Variants in CAMK2D observed in about 807,000 individuals in gnomAD.
CAMK2D encodes calcium/calmodulin-dependent protein kinase type II subunit delta.
Under a neutral mutation model 84.0 loss-of-function variants are expected in CAMK2D, and 37 were observed. The ratio of observed to expected loss-of-function variants is 0.44; its 90% confidence interval spans 0.34 to 0.58. The LOEUF is 0.58. Ranked by LOEUF, CAMK2D falls within the 20% of genes least tolerant of loss-of-function variation. The probability of loss-of-function intolerance (pLI) is 0.02; values close to 1 mark genes in which losing one functional copy is unlikely to be tolerated. For synonymous variants in CAMK2D, 202 were observed against 212.5 expected (o/e 0.95, Z 0.43); for missense variants, 448 against 652.5 (o/e 0.69, Z 3.41).
intron 2 of CAMK2D, among the ~76,000 whole-genome samples, chr4:113,733,378 C>CA (rs1351337572): frequency 2.6e-5 from 4 of 151,862 alleles, no homozygotes; most frequent in African/African-American, 9.7e-5. Flanking sequence ...GCATGAACAC[C>CA]ACAAATGAAA....
At chr4:113,661,467 T>A (rs1399901396) in intron 3 of CAMK2D, among the ~76,000 whole-genome samples, 1 of 152,162 alleles carries the variant, frequency 6.6e-6, no homozygotes, top group Non-Finnish European at 1.5e-5. Flanking sequence ...CATACACTAT[T>A]AATTAATTTA....
chr4:113,628,650 T>C (rs550952933), intron 3 of CAMK2D, among the ~76,000 whole-genome samples: 5 of 152,186 alleles, frequency 3.3e-5, no homozygotes, highest in African/African-American at 1.2e-4. Context: ...TCTCTGAAGA[T>C]GATGCACGTA....
chr4:113,462,608 G>T (rs1455918053), intron 17 of CAMK2D, among the ~76,000 whole-genome samples: 1 of 152,004 alleles, frequency 6.6e-6, no homozygotes, highest in Non-Finnish European at 1.5e-5. Flanking sequence ...TTAGTGAACT[G>T]GTATGATCCC....
Position 113,466,288 on chromosome 4 carries a change from A to AAATT in CAMK2D, c.1136-685_1136-684insAATT, listed in dbSNP as rs397837662. On this transcript the variant is annotated intron_variant, in intron 16 of 20. Coordinates refer to ENST00000511664, the MANE Select transcript of CAMK2D (RefSeq NM_001321571.2). ...TAAATAAATAAATAAATAAATAAATATAAAATAAAATAAAATAAAATTAGT... is the reference window on the plus strand; with the variant it reads ...TAAATAAATAAATAAATAAATAAATAAATTTAAAATAAAATAAAATAAAATTAGT... Among the ~76,000 whole-genome samples the AAATT allele has an allele frequency of 2.0e-4, 23 of 115,006 alleles. 1 individual carries two copies. The highest frequency in any genetic ancestry group is 1.8e-3 in the Admixed American group (22 of 12,040). The allele number at this position is 115,006 out of a possible 152,430, so 75.4% of individuals were successfully genotyped here. A position where few individuals can be genotyped will look rare whatever the true frequency, so the allele number is the denominator to read the frequency against.
intron 2 of CAMK2D, among the ~76,000 whole-genome samples, chr4:113,664,318 AT>A (rs2099249092): frequency 1.3e-5 from 2 of 152,190 alleles, no homozygotes; most frequent in African/African-American, 4.8e-5. Context: ...AACAATGCAT[AT>A]GTATAATCTC....
At chr4:113,641,475 T>C (rs951302679) in intron 3 of CAMK2D, among the ~76,000 whole-genome samples, 4 of 152,170 alleles carry the variant, frequency 2.6e-5, no homozygotes, top group Admixed American at 2.6e-4. Context: ...TTAGATACAA[T>C]ATGTTTCAGA....
intron 4 of CAMK2D, among the ~76,000 whole-genome samples, chr4:113,582,843 C>T (rs571033309): frequency 3.9e-5 from 6 of 152,298 alleles, no homozygotes; most frequent in South Asian, 2.1e-4. Flanking sequence ...CACAGCTTGC[C>T]GATAAATGGA....
At chr4:113,739,189 G>A (rs1197705033) in intron 2 of CAMK2D, among the ~76,000 whole-genome samples, 1 of 152,116 alleles carries the variant, frequency 6.6e-6, no homozygotes, top group Non-Finnish European at 1.5e-5. Flanking sequence ...TGCATTATTA[G>A]GCTTTCAATG....
intron 2 of CAMK2D, among the ~76,000 whole-genome samples, chr4:113,714,037 T>C (rs1432023616): frequency 6.6e-6 from 1 of 152,082 alleles, no homozygotes; most frequent in Non-Finnish European, 1.5e-5. Flanking sequence ...TATAACTTGT[T>C]GTAACTTGTT....
intron 2 of CAMK2D, among the ~76,000 whole-genome samples, chr4:113,741,601 T>C (rs1259746473): frequency 2.6e-5 from 4 of 152,186 alleles, no homozygotes; most frequent in Non-Finnish European, 5.9e-5. Flanking sequence ...AGTCTTGCTT[T>C]CACTCACACT....
In CAMK2D at chr4:113,651,407, A is replaced by C. The variant is rs566870490; in HGVS notation, c.220+10306T>G. 3.9e-4 allele frequency among the ~76,000 whole-genome samples: 59 copies of C among 152,318 alleles called. 1 individual carries two copies. Among genetic ancestry groups the C allele is most frequent in the Non-Finnish European group, 5.4e-4 (37 of 67,992 alleles). The stretch of plus-strand genomic sequence containing the variant: ...AAATGTGTAAATAATAAGAATATGA[A>C]GCTACCTTTTCTACTGTGGCAAATT... On this transcript the variant is annotated intron_variant, in intron 3 of 20. Coordinates refer to ENST00000511664, the MANE Select transcript of CAMK2D (RefSeq NM_001321571.2).
chr4:113,661,806 A>G (rs2099233679), intron 2 of CAMK2D, 34 bp from the exon 3 acceptor site: 1 of 1,101,890 alleles, frequency 9.1e-7, no homozygotes. Context: ...AGGCAAAAAT[A>G]AAGCAAAAAA....
At chr4:113,569,632 C>T (rs1427267868) in intron 4 of CAMK2D, among the ~76,000 whole-genome samples, 1 of 152,122 alleles carries the variant, frequency 6.6e-6, no homozygotes, top group Non-Finnish European at 1.5e-5. Flanking sequence ...TTCTAAATAT[C>T]TCACACAAGA....
intron 4 of CAMK2D, among the ~76,000 whole-genome samples, chr4:113,566,233 A>G (rs1005852691): frequency 5.3e-5 from 8 of 152,196 alleles, no homozygotes; most frequent in Non-Finnish European, 1.2e-4. Flanking sequence ...TTCTTTTAAA[A>G]ACCATGTATC....
At chr4:113,646,321 T>G (rs1216202892) in intron 3 of CAMK2D, among the ~76,000 whole-genome samples, 2 of 152,200 alleles carry the variant, frequency 1.3e-5, no homozygotes, top group Non-Finnish European at 2.9e-5. Context: ...GGTGCTTTTT[T>G]AGGTACAATA....
Position 113,761,143 on chromosome 4 carries a change from T to G in CAMK2D, c.-75A>C, listed in dbSNP as rs1180994434. 1.5e-5 allele frequency: 24 copies of G among 1,581,480 alleles called. No homozygotes were observed. The highest frequency in any genetic ancestry group is 1.9e-5 in the Non-Finnish European group (22 of 1,163,368). On this transcript the variant is annotated 5_prime_UTR_variant, in exon 1 of 21. Coordinates refer to ENST00000511664, the MANE Select transcript of CAMK2D (RefSeq NM_001321571.2). ...GCAGACGCGCGGCTAACCCCGGGACTGGCCCCGCGGCGCTGTCACCCAGGG... is the reference window on the plus strand; with the variant it reads ...GCAGACGCGCGGCTAACCCCGGGACGGGCCCCGCGGCGCTGTCACCCAGGG...
chr4:113,470,713 C>T (rs1163491300), intron 16 of CAMK2D, among the ~76,000 whole-genome samples: 1 of 151,654 alleles, frequency 6.6e-6, no homozygotes, highest in Non-Finnish European at 1.5e-5. Flanking sequence ...TGAATTCATA[C>T]ATAGCTGGCA....
At chr4:113,454,904 GTTA>G (rs1262932534) in intron 20 of CAMK2D, among the ~76,000 whole-genome samples, 1 of 152,128 alleles carries the variant, frequency 6.6e-6, no homozygotes, top group East Asian at 1.9e-4. Context: ...CTTAGCTTCT[GTTA>G]TTATTGTTAG....
At chr4:113,652,469 G>T (rs2099178084) in intron 3 of CAMK2D, among the ~76,000 whole-genome samples, 1 of 152,046 alleles carries the variant, frequency 6.6e-6, no homozygotes, top group African/African-American at 2.4e-5. Context: ...GGAATAAAGG[G>T]AAAAGAGGAA....
Sources: allele counts gnomAD v4.1 joint callset (sites outside exome capture counted in the v4.1 genomes callset), GRCh38; gene constraint gnomAD v4.1.1; transcripts MANE v1.5; gene names NCBI Gene and HGNC (gene_info 2026-07-23, HGNC 2026-07-21).